Variants in RALB observed in about 807,000 individuals in gnomAD.
RALB encodes the protein ras-related protein Ral-B.
RALB carries 16 observed loss-of-function variants against 21.3 expected under a neutral mutation model. That is an observed-to-expected ratio of 0.75 (90% CI 0.51 to 1.14). RALB has a LOEUF of 1.14. Ranked by LOEUF, RALB falls within the 50% of genes most tolerant of loss-of-function variation. RALB has a pLI of 0.00. For synonymous variants in RALB, 93 were observed against 96.1 expected, an observed-to-expected ratio of 0.97 and a Z score of 0.19; for missense variants, 161 against 256.2, an observed-to-expected ratio of 0.63 and a Z score of 2.54.
At chr2:120,245,363 C>G (rs777993772) in intron 1 of RALB, among the ~76,000 whole-genome samples, 2 of 152,192 alleles carry the variant, frequency 1.3e-5, no homozygotes, top group Non-Finnish European at 2.9e-5. Context: ...GTAAAGAGGA[C>G]GTCACAGCTC....
chr2:120,246,776 C>G (rs1488654877), intron 1 of RALB, among the ~76,000 whole-genome samples: 1 of 152,160 alleles, frequency 6.6e-6, no homozygotes, highest in Non-Finnish European at 1.5e-5. Context: ...TAAAGGGCAG[C>G]AGAGGTCACG....
chr2:120,245,150 A>G (rs1051465836), intron 1 of RALB, among the ~76,000 whole-genome samples: 2 of 152,212 alleles, frequency 1.3e-5, no homozygotes, highest in Non-Finnish European at 2.9e-5. Context: ...CTGTCACTTT[A>G]TAGATGAGAA....
chr2:120,293,128 T>G lies in RALB; in HGVS notation c.502-13T>G, dbSNP rs759921999. The G allele has an allele frequency of 8.8e-6, 14 of 1,595,616 alleles. No homozygotes were observed. The highest frequency in any genetic ancestry group is 1.2e-5 in the Non-Finnish European group (14 of 1,174,254). ...CTTCACTATTCTTTTTACTCTTTAC[T>G]CCTCACCCCCAGGTGTTCTTTGACC... On this transcript the variant is annotated splice_polypyrimidine_tract_variant and intron_variant, in intron 4 of 4. Coordinates refer to ENST00000272519, the MANE Select transcript of RALB (RefSeq NM_002881.3).
chr2:120,247,174 G>A (rs951991294), intron 1 of RALB, among the ~76,000 whole-genome samples: 1 of 152,194 alleles, frequency 6.6e-6, no homozygotes, highest in Non-Finnish European at 1.5e-5. Flanking sequence ...GGGAGGACAC[G>A]AGAGGACATG....
At position 120,267,061 on chromosome 2, in the gene RALB, G is replaced by A. The variant is rs1046950680; in HGVS notation, c.-47-11557G>A. On this transcript the variant is annotated intron_variant, in intron 1 of 4. Coordinates refer to ENST00000272519, the MANE Select transcript of RALB (RefSeq NM_002881.3). Reference sequence around the variant, plus strand: ...ATTATAGGTGATCCTCCTCCATCAGGAGGAAGGGCAGTCCTGGCAGTAGGA... The same window carrying A: ...ATTATAGGTGATCCTCCTCCATCAGAAGGAAGGGCAGTCCTGGCAGTAGGA... Among the ~76,000 whole-genome samples the A allele has an allele frequency of 2.0e-5, 3 of 152,338 alleles. No homozygotes were observed. In the South Asian group the frequency reaches 6.2e-4, roughly 32 times the overall value.
intron 1 of RALB, among the ~76,000 whole-genome samples, chr2:120,271,181 A>T: frequency 6.6e-6 from 1 of 152,226 alleles, no homozygotes; most frequent in East Asian, 1.9e-4. Context: ...ATATTGGCCT[A>T]TGGGACTAAC....
At chr2:120,273,063 G>T (rs892005183) in intron 1 of RALB, among the ~76,000 whole-genome samples, 1 of 152,162 alleles carries the variant, frequency 6.6e-6, no homozygotes, top group African/African-American at 2.4e-5. Context: ...CCTGCCCACT[G>T]CACAGACAAA....
At chr2:120,267,679 C>T (rs80341848) in intron 1 of RALB, among the ~76,000 whole-genome samples, 4,867 of 152,232 alleles carry the variant, frequency 0.032, 139 homozygotes, top group East Asian at 0.074. Flanking sequence ...CTCCACAGCA[C>T]CAGCTGAGTG....
intron 1 of RALB, among the ~76,000 whole-genome samples, chr2:120,242,721 G>C (rs895501527): frequency 1.3e-5 from 2 of 152,098 alleles, no homozygotes; most frequent in Non-Finnish European, 2.9e-5. Context: ...CTGGGCGACA[G>C]AGCAAGACTG....
chr2:120,253,856 T>G (rs895778679), intron 1 of RALB: 1 of 296,506 alleles, frequency 3.4e-6, no homozygotes, highest in East Asian at 1.7e-4. Flanking sequence ...AACAGTGCAC[T>G]TTCTGCTCTG....
intron 1 of RALB, among the ~76,000 whole-genome samples, chr2:120,240,280 TA>T (rs199650366): frequency 0.027 from 3,864 of 144,692 alleles, 213 homozygotes; most frequent in African/African-American, 0.11. Context: ...GCTACTTTTT[TA>T]TTTTTATTTT....
chr2:120,240,760 C>T (rs1287828989), intron 1 of RALB, among the ~76,000 whole-genome samples: 1 of 152,156 alleles, frequency 6.6e-6, no homozygotes, highest in East Asian at 1.9e-4. Context: ...CCATGACCTC[C>T]TGGGTGTCTT....
At chr2:120,284,689 A>G (rs575077080) in intron 2 of RALB, among the ~76,000 whole-genome samples, 5 of 152,150 alleles carry the variant, frequency 3.3e-5, no homozygotes, top group Admixed American at 3.3e-4. Context: ...TTTTTTGTAT[A>G]TTCATACAGA....
At chr2:120,276,828 T>C (rs1291919126) in intron 1 of RALB, among the ~76,000 whole-genome samples, 3 of 152,206 alleles carry the variant, frequency 2.0e-5, no homozygotes, top group African/African-American at 7.2e-5. Context: ...TGGTTGGTTT[T>C]ATGCACATAA....
At chr2:120,266,359 C>G (rs1689501346) in intron 1 of RALB, among the ~76,000 whole-genome samples, 2 of 152,216 alleles carry the variant, frequency 1.3e-5, no homozygotes, top group South Asian at 4.1e-4. Context: ...ATTATCCTGC[C>G]TCAGCCTCCC....
In RALB at chr2:120,278,645, A is replaced by G. The variant is rs767174213; in HGVS notation, c.-20A>G. The G allele has an allele frequency of 5.7e-6, 9 of 1,577,478 alleles. No individual in the cohort carries two copies. Among genetic ancestry groups the G allele is most frequent in the Non-Finnish European group, 6.9e-6 (8 of 1,161,370 alleles). ...CTTCAGTGGGTCATCTGTGTGTCAC[A>G]GCCTCAGAAGACCAGCGAGATGGCT... On this transcript the variant is annotated 5_prime_UTR_variant, in exon 2 of 5. Coordinates refer to ENST00000272519, the MANE Select transcript of RALB (RefSeq NM_002881.3).
In RALB at chr2:120,277,290, C is replaced by T. The variant is rs113784015; in HGVS notation, c.-47-1328C>T. Among the ~76,000 whole-genome samples the T allele has an allele frequency of 3.2e-3, 487 of 151,750 alleles. 3 individuals are homozygous for T. The highest frequency in any genetic ancestry group is 0.011 in the African/African-American group (464 of 41,366). ...GAGTGCATGGGAGCATGTGCGAGAG[C>T]GTGTGTGTTCTGTGAACGTGTTACA... On this transcript the variant is annotated intron_variant, in intron 1 of 4. Coordinates refer to ENST00000272519, the MANE Select transcript of RALB (RefSeq NM_002881.3).
At chr2:120,253,164 A>G (rs1049599620) in intron 1 of RALB, 184 bp downstream of exon 1, 2 of 364,176 alleles carry the variant, frequency 5.5e-6, no homozygotes, top group Non-Finnish European at 7.6e-6. Context: ...CCGCTCCGGG[A>G]GGACTCCCTG....
intron 2 of RALB, among the ~76,000 whole-genome samples, chr2:120,279,557 G>T (rs968043996): frequency 6.6e-6 from 1 of 152,198 alleles, no homozygotes; most frequent in Non-Finnish European, 1.5e-5. Flanking sequence ...AAGTAATCTA[G>T]AGATGATTTA....
Sources: allele counts gnomAD v4.1 joint callset (sites outside exome capture counted in the v4.1 genomes callset), GRCh38; gene constraint gnomAD v4.1.1; transcripts MANE v1.5; gene names NCBI Gene and HGNC (gene_info 2026-07-23, HGNC 2026-07-21).